Variants in USP12 observed in about 807,000 individuals in gnomAD.
The protein encoded by USP12 is ubiquitin carboxyl-terminal hydrolase 12.
USP12 carries 19 observed loss-of-function variants against 45.5 expected under a neutral mutation model. That is an observed-to-expected ratio of 0.42 (90% CI 0.29 to 0.61). The LOEUF is 0.61. Ranked by LOEUF, USP12 falls within the 20% of genes least tolerant of loss-of-function variation. The pLI is 0.22. For synonymous variants in USP12, 149 were observed against 148.8 expected (o/e 1.00, Z -0.01); for missense variants, 242 against 447.7 (o/e 0.54, Z 4.15).
rs55816785 is a variant in USP12 at position 27,087,251 on chromosome 13, ATGTGTGTGTGTG to A, written c.734+2620_734+2631del. 7.8e-4 allele frequency among the ~76,000 whole-genome samples: 113 copies of A among 144,048 alleles called. 1 individual carries two copies. The highest frequency in any genetic ancestry group is 1.4e-3 in the East Asian group (7 of 4,874). The allele number at this position is 144,048 out of a possible 152,430, so 94.5% of individuals were successfully genotyped here. A position where few individuals can be genotyped will look rare whatever the true frequency, so the allele number is the denominator to read the frequency against. ...AAATAAGTAAATATAGTGGGGAGGGATGTGTGTGTGTGTGTGTGTGTGTGTGTGTGTGCGCGC... is the reference window on the plus strand; with the variant it reads ...AAATAAGTAAATATAGTGGGGAGGGATGTGTGTGTGTGTGTGTGTGCGCGC... On this transcript the variant is annotated intron_variant, in intron 6 of 8. Coordinates refer to ENST00000282344, the MANE Select transcript of USP12 (RefSeq NM_182488.4).
At chr13:27,109,199 T>A (rs1875299745) in intron 2 of USP12, among the ~76,000 whole-genome samples, 1 of 152,180 alleles carries the variant, frequency 6.6e-6, no homozygotes, top group Admixed American at 6.5e-5. Context: ...GCAATAATTA[T>A]CAATGGATGC....
At chr13:27,163,319 G>A (rs1011016808) in intron 1 of USP12, among the ~76,000 whole-genome samples, 2 of 151,922 alleles carry the variant, frequency 1.3e-5, no homozygotes, top group Non-Finnish European at 2.9e-5. Context: ...CACAAGACCC[G>A]CTTTCACGCC....
chr13:27,074,129 G>A (rs756328174), intron 7 of USP12, among the ~76,000 whole-genome samples: 8 of 152,322 alleles, frequency 5.3e-5, no homozygotes, highest in East Asian at 3.9e-4. Context: ...GGCCGGGCGC[G>A]GTGGCTCACG....
intron 1 of USP12, among the ~76,000 whole-genome samples, chr13:27,159,754 T>C (rs78404722): frequency 0.018 from 2,672 of 152,300 alleles, 80 homozygotes; most frequent in African/African-American, 0.061. Flanking sequence ...TATAAGTTCC[T>C]TGGGAAAGCT....
intron 6 of USP12, chr13:27,077,948 AGAC>A (rs1434173288): frequency 6.6e-6 from 1 of 152,188 alleles, no homozygotes; most frequent in Non-Finnish European, 1.5e-5. Context: ...TTTCTACAAA[AGAC>A]AAACATTTTG....
chr13:27,153,149 T>A (rs1247285219), intron 1 of USP12, among the ~76,000 whole-genome samples: 1 of 151,628 alleles, frequency 6.6e-6, no homozygotes, highest in African/African-American at 2.4e-5. Context: ...CTGGCCAACA[T>A]GGCGAAACCC....
At chr13:27,109,704 A>G (rs1442144230) in intron 2 of USP12, among the ~76,000 whole-genome samples, 1 of 152,068 alleles carries the variant, frequency 6.6e-6, no homozygotes, top group African/African-American at 2.4e-5. Flanking sequence ...GATTAAGGTC[A>G]GGAGCTCAAG....
intron 1 of USP12, among the ~76,000 whole-genome samples, chr13:27,163,505 C>G (rs1040445587): frequency 6.6e-6 from 1 of 152,126 alleles, no homozygotes; most frequent in African/African-American, 2.4e-5. Context: ...CATATAATTA[C>G]CATTACTTAT....
At chr13:27,126,048 T>C (rs1876222345) in intron 1 of USP12, among the ~76,000 whole-genome samples, 1 of 152,190 alleles carries the variant, frequency 6.6e-6, no homozygotes, top group Non-Finnish European at 1.5e-5. Flanking sequence ...GCAGGGCATA[T>C]CTGAACAAAA....
At chr13:27,111,363 A>G (rs1875436716) in intron 2 of USP12, among the ~76,000 whole-genome samples, 1 of 152,164 alleles carries the variant, frequency 6.6e-6, no homozygotes, top group African/African-American at 2.4e-5. Flanking sequence ...TTTTCTCTAT[A>G]TTCTTGTTTG....
chr13:27,071,785 A>T (rs1238053165), intron 7 of USP12, among the ~76,000 whole-genome samples: 1 of 152,206 alleles, frequency 6.6e-6, no homozygotes, highest in African/African-American at 2.4e-5. Flanking sequence ...GAATATATAA[A>T]TGTAGATATA....
intron 3 of USP12, among the ~76,000 whole-genome samples, chr13:27,102,611 C>T (rs1438997414): frequency 6.6e-6 from 1 of 152,196 alleles, no homozygotes; most frequent in Non-Finnish European, 1.5e-5. Context: ...AACATTTTTG[C>T]CTCAGATCTT....
chr13:27,136,463 A>G (rs943725491), intron 1 of USP12, among the ~76,000 whole-genome samples: 1 of 152,190 alleles, frequency 6.6e-6, no homozygotes, highest in African/African-American at 2.4e-5. Flanking sequence ...ATGCCACTGC[A>G]CTCCAGTCTG....
chr13:27,163,780 A>AAAG (rs532581083), intron 1 of USP12, among the ~76,000 whole-genome samples: 1,749 of 138,678 alleles, frequency 0.013, 17 homozygotes, highest in Admixed American at 0.022. Flanking sequence ...AAAAAAAAAA[A>AAAG]AAAAAGAAAA....
rs1873430997 is a variant in USP12, at chr13:27,075,406, GA to G, written c.735-19del. 6.3e-7 allele frequency: 1 copy of G among 1,590,196 alleles called. No individual in the cohort carries two copies. Among genetic ancestry groups the G allele is most frequent in the Non-Finnish European group, 8.6e-7 (1 of 1,166,198 alleles). ...CTTTCATCCTATTAAAAATAAAAAT[GA>G]AAACAAAATTTCATAAAAGATATCC... On this transcript the variant is annotated intron_variant, in intron 6 of 8. Transcript: ENST00000282344.
chr13:27,159,241 C>A (rs922466927), intron 1 of USP12, among the ~76,000 whole-genome samples: 1 of 152,040 alleles, frequency 6.6e-6, no homozygotes, highest in Non-Finnish European at 1.5e-5. Flanking sequence ...TAATTTAATT[C>A]TTTTAAAATC....
chr13:27,092,216 A>T (rs1203993314), intron 4 of USP12, among the ~76,000 whole-genome samples: 1 of 152,250 alleles, frequency 6.6e-6, no homozygotes, highest in African/African-American at 2.4e-5. Flanking sequence ...AGATAGCAAA[A>T]AAAGTGGTAA....
At chr13:27,090,185 T>A (rs1185430237) in intron 4 of USP12, 27 bp from the exon 5 acceptor site, 6 of 1,548,104 alleles carry the variant, frequency 3.9e-6, no homozygotes, top group Non-Finnish European at 5.3e-6. Flanking sequence ...TTGTCTTTGA[T>A]TTTTTCAAAT....
At chr13:27,108,097 G>A (rs1369218887) in intron 2 of USP12, among the ~76,000 whole-genome samples, 5 of 151,912 alleles carry the variant, frequency 3.3e-5, no homozygotes, top group East Asian at 1.9e-4. Flanking sequence ...TGTTTATTGC[G>A]GCACTATTCA....
Sources: allele counts gnomAD v4.1 joint callset (sites outside exome capture counted in the v4.1 genomes callset), GRCh38; gene constraint gnomAD v4.1.1; transcripts MANE v1.5; gene names NCBI Gene and HGNC (gene_info 2026-07-23, HGNC 2026-07-21).